Variants in GON4L observed in about 807,000 individuals in gnomAD.
GON4L encodes the protein GON-4-like protein.
Under a neutral mutation model 211.8 loss-of-function variants are expected in GON4L, and 87 were observed. The ratio of observed to expected loss-of-function variants is 0.41; its 90% CI spans 0.35 to 0.49. GON4L has a LOEUF of 0.49. Ranked by LOEUF, GON4L falls within the 20% of genes least tolerant of loss-of-function variation. GON4L has a pLI of 0.15. For synonymous variants in GON4L, 875 were observed against 962.6 expected (o/e 0.91, Z 1.68); for missense variants, 2,155 against 2,659.5 (o/e 0.81, Z 4.17).
At chr1:155,856,006 A>C (rs1672245244) in intron 1 of GON4L, among the ~76,000 whole-genome samples, 2 of 148,190 alleles carry the variant, frequency 1.3e-5, no homozygotes, top group African/African-American at 2.5e-5. Flanking sequence ...AAAAAAAAAA[A>C]AGGCATCTTA....
chr1:155,815,794 CA>C lies in GON4L; in HGVS notation c.1161+10del, dbSNP rs755954089. The stretch of plus-strand genomic sequence containing the variant: ...TATTAAGACAAATATTACCAACTAA[CA>C]TTCACTGACCTCTTCAGCAGTTTCA... On this transcript the variant is annotated intron_variant, in intron 8 of 31. Coordinates refer to ENST00000368331, the MANE Select transcript of GON4L (RefSeq NM_001282860.2). The C allele has an allele frequency of 6.8e-7, 1 of 1,475,080 alleles. No individual in the cohort carries two copies. Among genetic ancestry groups the C allele is most frequent in the African/African-American group, 1.4e-5 (1 of 72,508 alleles). 91.4% of individuals were successfully genotyped at this position (1,475,080 alleles called of 1,614,324 possible). A position where few individuals can be genotyped will look rare whatever the true frequency, so the allele number is the denominator to read the frequency against.
At chr1:155,789,427 C>T (rs1379932802) in intron 12 of GON4L, among the ~76,000 whole-genome samples, 2 of 151,726 alleles carry the variant, frequency 1.3e-5, no homozygotes, top group Non-Finnish European at 2.9e-5. Flanking sequence ...GTCAGGAATT[C>T]GAGACCAGCC....
At chr1:155,830,150 A>G (rs1669619683) in intron 2 of GON4L, among the ~76,000 whole-genome samples, 1 of 151,364 alleles carries the variant, frequency 6.6e-6, no homozygotes, top group Non-Finnish European at 1.5e-5. Flanking sequence ...GGGTTTTACC[A>G]TGTTGGCCAG....
chr1:155,795,109 TC>T lies in GON4L; in HGVS notation c.1687del (p.Glu563LysfsTer17). The T allele has an allele frequency of 6.2e-7, 1 of 1,611,002 alleles. No individual in the cohort carries two copies. Among genetic ancestry groups the T allele is most frequent in the Non-Finnish European group, 8.5e-7 (1 of 1,177,126 alleles). On this transcript the variant is annotated frameshift_variant, in exon 12 of 32. Coordinates refer to ENST00000368331, the MANE Select transcript of GON4L (RefSeq NM_001282860.2). LOFTEE classifies it high-confidence loss of function. The stretch of plus-strand genomic sequence containing the variant: ...CTCTGTGTCTGGTTCATCGAGGTCT[TC>T]CAGGAAATTATATTCTGGATCATCA... ...DDDDPEYNFL[E>X]DLDEPDTEDF...
At chr1:155,790,031 T>C (rs184319740) in intron 12 of GON4L, among the ~76,000 whole-genome samples, 1 of 152,240 alleles carries the variant, frequency 6.6e-6, no homozygotes, top group Non-Finnish European at 1.5e-5. Flanking sequence ...CTTGAACTTC[T>C]GGGCTCAAGG....
chr1:155,761,657 G>A (rs1285507482), intron 23 of GON4L, among the ~76,000 whole-genome samples: 9 of 151,462 alleles, frequency 5.9e-5, no homozygotes, highest in Admixed American at 4.6e-4. Context: ...CACCACACCC[G>A]GCTAATTTTT....
At chr1:155,851,946 C>CCT (rs1189577650) in intron 2 of GON4L, among the ~76,000 whole-genome samples, 1 of 152,004 alleles carries the variant, frequency 6.6e-6, no homozygotes, top group African/African-American at 2.4e-5. Flanking sequence ...ACGTGGATCA[C>CCT]CTGAGGTCAG....
rs918805832 is a variant in GON4L at position 155,802,314 on chromosome 1, G to GGC, written c.1645+2634_1645+2635insGC. Among the ~76,000 whole-genome samples, 19 of 124,912 alleles carry GGC rather than the reference G, an allele frequency of 1.5e-4. No homozygotes were observed. In the South Asian group the frequency reaches 2.5e-3, roughly 17 times the overall value. 81.9% of individuals were successfully genotyped at this position (124,912 alleles called of 152,430 possible). Reference sequence around the variant, plus strand: ...TATGTAGATATGTACATTTTCCTTGGGGGGGGGGAAGGCTTTAATTGTTTT... The same window carrying GGC: ...TATGTAGATATGTACATTTTCCTTGGGCGGGGGGGGAAGGCTTTAATTGTTTT... On this transcript the variant is annotated intron_variant, in intron 11 of 31. Transcript: ENST00000368331.
rs1163950189 is a variant in GON4L at position 155,773,086 on chromosome 1, G to A, written c.2475C>T (p.Val825=). 1.9e-6 allele frequency: 3 copies of A among 1,612,238 alleles called. No homozygotes were observed. Among genetic ancestry groups the A allele is most frequent in the African/African-American group, 2.7e-5 (2 of 74,840 alleles). The part of the protein sequence containing the change: ...LKAKNPQDKI[V]FTKAEDNLLA... ...CTTACTTGTCCTCAGCCTTGGTGAA[G>A]ACGATCTTATCCTGGGGATTCTTTG... is the stretch of plus-strand genomic sequence containing the variant. The change falls in exon 18 of 32, where the codon GTC becomes GTT. Residue 825 remains valine, a synonymous_variant. Coordinates refer to ENST00000368331, the MANE Select transcript of GON4L (RefSeq NM_001282860.2).
chr1:155,824,426 C>G (rs1337967616), intron 3 of GON4L, among the ~76,000 whole-genome samples: 1 of 94,724 alleles, frequency 1.1e-5, no homozygotes, highest in African/African-American at 4.5e-5. Context: ...GAGAGCAAAA[C>G]TCCACATCAA....
chr1:155,847,231 A>G (rs1403994567), intron 2 of GON4L, among the ~76,000 whole-genome samples: 2 of 152,110 alleles, frequency 1.3e-5, no homozygotes, highest in Admixed American at 1.3e-4. Context: ...GGCTCCATAA[A>G]TTGTTTACCT....
intron 31 of GON4L, 28 bp downstream of exon 31, chr1:155,751,739 C>A (rs763464012): frequency 3.4e-6 from 5 of 1,453,676 alleles, no homozygotes; most frequent in Middle Eastern, 1.7e-4. Context: ...CCTCTTTTTG[C>A]CAGGTCTTCA....
Position 155,765,769 on chromosome 1 carries a change from A to G in GON4L, c.3704T>C (p.Val1235Ala). 3 of 1,614,244 alleles carry G rather than the reference A, an allele frequency of 1.9e-6. No homozygotes were observed. Among genetic ancestry groups the G allele is most frequent in the South Asian group, 1.1e-5 (1 of 91,090 alleles). The change falls in exon 21 of 32, where the codon GTG (valine) becomes GCG (alanine). Residue 1235 changes from valine to alanine, a missense_variant. This residue lies in a region of GON4L where 615 missense variants were observed against 625.7 expected (regional missense o/e 0.98). Transcript: ENST00000368331. ...CTGAAAGGCATTTTCCCCATCAGCCACAGCACAAGCAATGTCCACATTCAC... is the reference window on the plus strand; with the variant it reads ...CTGAAAGGCATTTTCCCCATCAGCCGCAGCACAAGCAATGTCCACATTCAC... ...AHVNVDIACA[V>A]ADGENAFQGL...
intron 19 of GON4L, among the ~76,000 whole-genome samples, chr1:155,770,572 G>A (rs529608926): frequency 6.6e-6 from 1 of 152,252 alleles, no homozygotes; most frequent in South Asian, 2.1e-4. Context: ...GAAGAAACCA[G>A]GTGCGGTGGC....
At chr1:155,858,855 G>A (rs867632268), upstream of GON4L, among the ~76,000 whole-genome samples, 2 of 151,662 alleles carry the variant, frequency 1.3e-5, no homozygotes, top group Non-Finnish European at 2.9e-5. Context: ...CACCACGCCC[G>A]GCTAATCTTT....
chr1:155,853,752 G>A lies in GON4L; in HGVS notation c.29C>T (p.Thr10Ile). ...TTTATGCTGTAGGGACTCTGTCACT[G>A]TAGTTCTTCTCTTCTTACAGGGCAA... MLPCKKRRT[T>I]VTESLQHKGN... Residue 10 changes from threonine (T) to isoleucine (I), a missense_variant, in exon 2 of 32, where the codon ACA (threonine) becomes ATA (isoleucine). Around this residue, in one of 6 missense-constraint regions of GON4L, gnomAD observed 313 missense variants for 293.2 expected, o/e 1.07. Coordinates refer to ENST00000368331, the MANE Select transcript of GON4L (RefSeq NM_001282860.2). 6.2e-7 allele frequency: 1 copy of A among 1,613,240 alleles called. No individual in the cohort carries two copies. Among genetic ancestry groups the A allele is most frequent in the Non-Finnish European group, 8.5e-7 (1 of 1,179,170 alleles).
At chr1:155,813,962 G>C (rs573406183) in intron 9 of GON4L, among the ~76,000 whole-genome samples, 158 bp from the exon 10 acceptor site, 5 of 152,348 alleles carry the variant, frequency 3.3e-5, no homozygotes, top group African/African-American at 1.2e-4. Flanking sequence ...AAGACACCAA[G>C]TGTATTGATC....
chr1:155,748,234 C>T (rs868743051), downstream of GON4L: 129 of 1,322,420 alleles, frequency 9.8e-5, no homozygotes, highest in Middle Eastern at 2.7e-3. Flanking sequence ...CGAGCTTGAA[C>T]TCAGCTGTGA....
chr1:155,800,796 C>G (rs1285103107), intron 11 of GON4L, among the ~76,000 whole-genome samples: 3 of 141,178 alleles, frequency 2.1e-5, no homozygotes, highest in Non-Finnish European at 3.0e-5. Context: ...TTGCAGTGAG[C>G]AGGGATTGTG....
Sources: allele counts gnomAD v4.1 joint callset (sites outside exome capture counted in the v4.1 genomes callset), GRCh38; gene constraint gnomAD v4.1.1; regional missense constraint gnomAD v4.1.1; transcripts MANE v1.5; gene names NCBI Gene and HGNC (gene_info 2026-07-23, HGNC 2026-07-21).